Variants in FARS2 observed in about 807,000 individuals in gnomAD.
The protein encoded by FARS2 is phenylalanine--tRNA ligase, mitochondrial.
In FARS2, 40 loss-of-function variants were observed where a neutral mutation model predicts 46.4. The ratio of observed to expected loss-of-function variants is 0.86; its 90% confidence interval spans 0.67 to 1.12. The LOEUF is 1.12. Ranked by LOEUF, FARS2 falls within the 50% of genes most tolerant of loss-of-function variation. FARS2 has a pLI of 0.00. For missense variants in FARS2, 513 were observed against 567.9 expected (o/e 0.90, Z 0.98); for synonymous variants, 234 against 214.9 (o/e 1.09, Z -0.78).
chr6:5,644,870 A>G (rs1349767919), intron 6 of FARS2, among the ~76,000 whole-genome samples: 1 of 152,206 alleles, frequency 6.6e-6, no homozygotes, highest in Non-Finnish European at 1.5e-5. Context: ...GGCTTATTAG[A>G]GCAGTTGTTC....
At chr6:5,350,354 A>C (rs890096094) in intron 1 of FARS2, among the ~76,000 whole-genome samples, 1 of 151,972 alleles carries the variant, frequency 6.6e-6, no homozygotes, top group Non-Finnish European at 1.5e-5. Flanking sequence ...TTTTGTTTGG[A>C]AAGACATTGT....
chr6:5,770,586 A>G (rs964062496), intron 6 of FARS2, among the ~76,000 whole-genome samples: 9 of 152,210 alleles, frequency 5.9e-5, no homozygotes, highest in Admixed American at 6.5e-5. Flanking sequence ...TTCATGGCCC[A>G]GGGGTCTTTC....
chr6:5,747,298 G>C (rs1023393071), intron 6 of FARS2, among the ~76,000 whole-genome samples: 1 of 152,248 alleles, frequency 6.6e-6, no homozygotes, highest in Non-Finnish European at 1.5e-5. Flanking sequence ...GGAGGGATGT[G>C]ATGTGCCTTG....
chr6:5,482,133 A>G (rs568866326), intron 4 of FARS2, among the ~76,000 whole-genome samples: 6 of 135,140 alleles, frequency 4.4e-5, no homozygotes, highest in African/African-American at 1.8e-4. Context: ...GCCAGCTTAC[A>G]TCTTTTTTTT....
intron 3 of FARS2, among the ~76,000 whole-genome samples, chr6:5,406,180 T>C (rs1484827933): frequency 1.3e-5 from 2 of 152,234 alleles, no homozygotes. Flanking sequence ...GATTCTCCTT[T>C]ACTCTCTTAT....
intron 3 of FARS2, among the ~76,000 whole-genome samples, chr6:5,406,674 A>G (rs1311209436): frequency 6.6e-6 from 1 of 152,058 alleles, no homozygotes; most frequent in Non-Finnish European, 1.5e-5. Flanking sequence ...ATTCATTGAT[A>G]GGTATCTGGG....
At chr6:5,550,212 T>C (rs1446000997) in intron 5 of FARS2, among the ~76,000 whole-genome samples, 3 of 152,256 alleles carry the variant, frequency 2.0e-5, no homozygotes, top group Non-Finnish European at 4.4e-5. Flanking sequence ...GATAATTCTC[T>C]GTGGCCCTTG....
chr6:5,636,878 T>C (rs947561793), intron 6 of FARS2, among the ~76,000 whole-genome samples: 7 of 152,210 alleles, frequency 4.6e-5, no homozygotes, highest in African/African-American at 1.7e-4. Flanking sequence ...CCTGAGCCAC[T>C]ACGTTGACAG....
intron 6 of FARS2, among the ~76,000 whole-genome samples, chr6:5,682,002 G>T (rs1007777908): frequency 6.6e-6 from 1 of 152,190 alleles, no homozygotes; most frequent in African/African-American, 2.4e-5. Flanking sequence ...ATTTTACTCT[G>T]CCCTGGTCAG....
intron 4 of FARS2, among the ~76,000 whole-genome samples, chr6:5,531,950 G>A (rs1054836089): frequency 3.2e-4 from 49 of 152,184 alleles, no homozygotes; most frequent in Admixed American, 2.6e-3. Context: ...ATCAAGGGAC[G>A]TGGATGCCTT....
At chr6:5,259,896 G>A (rs190127071), upstream of FARS2, among the ~76,000 whole-genome samples, 1 of 152,292 alleles carries the variant, frequency 6.6e-6, no homozygotes, top group African/African-American at 2.4e-5. Flanking sequence ...TGAAAGCAGA[G>A]GCTCTGAATT....
chr6:5,568,017 C>T (rs370070372), intron 5 of FARS2, among the ~76,000 whole-genome samples: 1 of 152,194 alleles, frequency 6.6e-6, no homozygotes, highest in East Asian at 1.9e-4. Flanking sequence ...ATCTTGCCAG[C>T]TTAAAAAAGT....
At chr6:5,251,636 A>G in the FARS2 span, among the ~76,000 whole-genome samples, 1 of 152,218 alleles carries the variant, frequency 6.6e-6, no homozygotes, top group Non-Finnish European at 1.5e-5. Flanking sequence ...TATTCATGAG[A>G]AACCTGCCCC....
In FARS2 at chr6:5,569,760, G is replaced by A. The variant is rs546253737; in HGVS notation, c.1065+24420G>A. 8.5e-5 allele frequency among the ~76,000 whole-genome samples: 13 copies of A among 152,280 alleles called. No homozygotes were observed. The East Asian group carries it at 2.3e-3, about 27-fold the overall frequency. On this transcript the variant is annotated intron_variant, in intron 5 of 6. Transcript: ENST00000274680. ...TTTAAGAGAGGATGGTCCAGGGGAGGTGAAGTCAGGGCATATTGTTATGGG... is the reference window on the plus strand; with the variant it reads ...TTTAAGAGAGGATGGTCCAGGGGAGATGAAGTCAGGGCATATTGTTATGGG...
At chr6:5,636,901 C>T (rs1561768921) in intron 6 of FARS2, among the ~76,000 whole-genome samples, 1 of 152,224 alleles carries the variant, frequency 6.6e-6, no homozygotes, top group South Asian at 2.1e-4. Context: ...GCAGCTGGTG[C>T]GGCAAAGGGA....
chr6:5,503,467 C>T (rs1342381111), intron 4 of FARS2, among the ~76,000 whole-genome samples: 4 of 149,452 alleles, frequency 2.7e-5, no homozygotes, highest in Non-Finnish European at 5.9e-5. Context: ...TATTAATTTG[C>T]CTGGCTGTAG....
intron 2 of FARS2, among the ~76,000 whole-genome samples, chr6:5,402,010 T>G (rs558226446): frequency 6.6e-6 from 1 of 150,910 alleles, no homozygotes; most frequent in African/African-American, 2.4e-5. Context: ...TTTTTTTCCC[T>G]CTTTAACGGA....
intron 4 of FARS2, among the ~76,000 whole-genome samples, chr6:5,490,724 G>T (rs13214980): frequency 1.3e-5 from 2 of 152,166 alleles, no homozygotes; most frequent in African/African-American, 4.8e-5. Context: ...CTTTGTTGGG[G>T]AAGCCAGGTG....
chr6:5,670,111 T>C (rs182494938), intron 6 of FARS2, among the ~76,000 whole-genome samples: 45 of 152,308 alleles, frequency 3.0e-4, no homozygotes, highest in African/African-American at 1.1e-3. Context: ...AACACTTACA[T>C]AGAAGTTAAC....
Sources: allele counts gnomAD v4.1 joint callset (sites outside exome capture counted in the v4.1 genomes callset), GRCh38; gene constraint gnomAD v4.1.1; transcripts MANE v1.5; gene names NCBI Gene and HGNC (gene_info 2026-07-23, HGNC 2026-07-21).